Variants in ENTREP1 observed in about 807,000 individuals in gnomAD.
ENTREP1 encodes the protein endosomal transmembrane epsin interactor 1, also known as Friedreich ataxia region gene X123.
the ENTREP1 span, chr9:69,325,735 G>A: frequency 6.5e-5 from 80 of 1,226,402 alleles, no homozygotes; most frequent in Non-Finnish European, 7.9e-5. Flanking sequence ...TGAGTACCGC[G>A]CGCGCGCCCC....
At chr9:69,325,571 G>A in the ENTREP1 span, 2 of 1,220,366 alleles carry the variant, frequency 1.6e-6, no homozygotes, top group Non-Finnish European at 2.0e-6. Context: ...CGCGGCCCCG[G>A]GCTCCGCGCT....
the ENTREP1 span, chr9:69,371,434 A>G: frequency 9.1e-7 from 1 of 1,095,394 alleles, no homozygotes; most frequent in East Asian, 2.4e-5. Context: ...TTTTAAAATC[A>G]GGTAAAACTC....
chr9:69,331,928 G>C, the ENTREP1 span, among the ~76,000 whole-genome samples: 1 of 152,154 alleles, frequency 6.6e-6, no homozygotes, highest in Non-Finnish European at 1.5e-5. Flanking sequence ...TTCTGATGGA[G>C]CTCCAGCTAC....
chr9:69,388,173 G>T, the ENTREP1 span: 1 of 1,614,174 alleles, frequency 6.2e-7, no homozygotes, highest in Non-Finnish European at 8.5e-7. Flanking sequence ...CCAGTGCTCA[G>T]CTGTGAAGCT....
chr9:69,337,080 T>C, the ENTREP1 span, among the ~76,000 whole-genome samples: 12 of 139,974 alleles, frequency 8.6e-5, no homozygotes, highest in African/African-American at 3.2e-4. Context: ...AGTGGCACGT[T>C]CTCAGCTTAC....
At chr9:69,378,738 G>T in the ENTREP1 span, among the ~76,000 whole-genome samples, 3 of 146,524 alleles carry the variant, frequency 2.0e-5, no homozygotes. Context: ...CAGCCTGGGT[G>T]AGAGCGAGAC....
chr9:69,325,852 T>G, the ENTREP1 span: 1 of 1,192,010 alleles, frequency 8.4e-7, no homozygotes, highest in South Asian at 4.3e-5. Context: ...ACCTGAAGTT[T>G]TTGGAGGCTG....
chr9:69,345,591 C>T, the ENTREP1 span, among the ~76,000 whole-genome samples: 351 of 152,252 alleles, frequency 2.3e-3, 2 homozygotes, highest in African/African-American at 8.1e-3. Flanking sequence ...CATTAGCCTT[C>T]TTACTCTTTT....
the ENTREP1 span, among the ~76,000 whole-genome samples, chr9:69,362,295 G>A: frequency 6.6e-6 from 1 of 152,252 alleles, no homozygotes; most frequent in East Asian, 1.9e-4. Context: ...ATGTGACAGG[G>A]ATTATGAAGA....
the ENTREP1 span, among the ~76,000 whole-genome samples, chr9:69,354,254 A>AT: frequency 3.7e-3 from 393 of 105,612 alleles, 16 homozygotes; most frequent in African/African-American, 7.7e-3. Context: ...CTATTGCAAC[A>AT]TTTTTTTTTT....
At chr9:69,391,577 C>T in the ENTREP1 span, 2 of 1,608,294 alleles carry the variant, frequency 1.2e-6, no homozygotes, top group Non-Finnish European at 1.7e-6. Context: ...CTTAACTTCT[C>T]CCCACCCCTC....
the ENTREP1 span, among the ~76,000 whole-genome samples, chr9:69,335,071 T>C: frequency 1.3e-5 from 2 of 152,106 alleles, no homozygotes; most frequent in African/African-American, 4.8e-5. Flanking sequence ...TGTTTTTTCT[T>C]ATTGAGATTT....
the ENTREP1 span, among the ~76,000 whole-genome samples, chr9:69,339,892 C>T: frequency 6.6e-6 from 1 of 152,182 alleles, no homozygotes; most frequent in Non-Finnish European, 1.5e-5. Context: ...AGCCATATCC[C>T]AGCACTGAAT....
chr9:69,390,049 C>T, the ENTREP1 span, among the ~76,000 whole-genome samples: 32 of 152,248 alleles, frequency 2.1e-4, no homozygotes, highest in Non-Finnish European at 8.8e-5. Flanking sequence ...GCTGGCTTCG[C>T]ATCTTGGAGT....
the ENTREP1 span, among the ~76,000 whole-genome samples, chr9:69,389,483 T>G: frequency 6.6e-6 from 1 of 152,174 alleles, no homozygotes; most frequent in East Asian, 1.9e-4. Flanking sequence ...ATTACTTGCA[T>G]GAAGAGGTAC....
chr9:69,389,651 G>C, the ENTREP1 span, among the ~76,000 whole-genome samples: 2 of 152,114 alleles, frequency 1.3e-5, no homozygotes, highest in Non-Finnish European at 2.9e-5. Context: ...CCCTCTGTCC[G>C]GCCCCAATAG....
the ENTREP1 span, among the ~76,000 whole-genome samples, chr9:69,346,365 G>A: frequency 3.9e-5 from 6 of 152,206 alleles, no homozygotes; most frequent in South Asian, 2.1e-4. Context: ...TTTGCCACAC[G>A]TATGTTAACC....
chr9:69,383,582 T>C, the ENTREP1 span: 2 of 1,610,986 alleles, frequency 1.2e-6, no homozygotes, highest in Non-Finnish European at 1.7e-6. Flanking sequence ...TGCAGTCACG[T>C]GGCCAGTCTG....
the ENTREP1 span, among the ~76,000 whole-genome samples, chr9:69,376,497 A>C: frequency 1.4e-4 from 21 of 152,362 alleles, no homozygotes; most frequent in African/African-American, 5.0e-4. Context: ...GCCCTGACTT[A>C]AGGAACATTA....
Sources: allele counts gnomAD v4.1 joint callset (sites outside exome capture counted in the v4.1 genomes callset), GRCh38; gene constraint gnomAD v4.1.1; transcripts MANE v1.5; gene names NCBI Gene and HGNC (gene_info 2026-07-23, HGNC 2026-07-21).